Variants in PDE4B observed in about 807,000 individuals in gnomAD.
PDE4B encodes the protein 3',5'-cyclic-AMP phosphodiesterase 4B.
A neutral mutation model predicts 82.2 loss-of-function variants in PDE4B; 20 were observed. The ratio of observed to expected loss-of-function variants is 0.24; its 90% CI spans 0.17 to 0.35. PDE4B has a LOEUF of 0.35. Among genes scored for constraint, PDE4B ranks in the 10% least tolerant of loss-of-function variants. PDE4B has a pLI of 1.00. For missense variants in PDE4B, 655 were observed against 907.2 expected, an observed-to-expected ratio of 0.72 and a Z score of 3.57; for synonymous variants, 320 against 318.9, an observed-to-expected ratio of 1.00 and a Z score of -0.04.
At chr1:66,034,731 A>G (rs1371926905) in intron 3 of PDE4B, among the ~76,000 whole-genome samples, 2 of 152,200 alleles carry the variant, frequency 1.3e-5, no homozygotes, top group East Asian at 3.8e-4. Flanking sequence ...AGGAACTTAC[A>G]TTGCATGTGC....
intron 3 of PDE4B, among the ~76,000 whole-genome samples, chr1:66,207,729 G>A (rs1244101034): frequency 1.3e-5 from 2 of 152,136 alleles, no homozygotes; most frequent in Non-Finnish European, 2.9e-5. Context: ...TAATGATAGA[G>A]GATTCTATTT....
At chr1:66,225,258 C>G (rs189823512) in intron 3 of PDE4B, among the ~76,000 whole-genome samples, 1 of 152,184 alleles carries the variant, frequency 6.6e-6, no homozygotes, top group African/African-American at 2.4e-5. Context: ...TCTCACCCCC[C>G]GTTCTCACCT....
At chr1:66,340,128 A>T (rs1360266865) in intron 8 of PDE4B, among the ~76,000 whole-genome samples, 1 of 152,156 alleles carries the variant, frequency 6.6e-6, no homozygotes, top group Non-Finnish European at 1.5e-5. Flanking sequence ...TGCTTTCCTG[A>T]GCATCCTTTC....
At chr1:65,827,310 G>A (rs953375594) in intron 1 of PDE4B, among the ~76,000 whole-genome samples, 6 of 151,966 alleles carry the variant, frequency 3.9e-5, no homozygotes, top group East Asian at 3.9e-4. Context: ...ATCAGAGCCC[G>A]TCTCAGATAT....
intron 3 of PDE4B, among the ~76,000 whole-genome samples, chr1:65,999,630 A>G (rs1192085641): frequency 6.6e-6 from 1 of 152,088 alleles, no homozygotes; most frequent in Non-Finnish European, 1.5e-5. Flanking sequence ...TCTTTTTGGT[A>G]CTTATTATTA....
At chr1:66,277,142 C>T (rs939548326) in intron 7 of PDE4B, among the ~76,000 whole-genome samples, 4 of 150,674 alleles carry the variant, frequency 2.7e-5, no homozygotes, top group Admixed American at 6.6e-5. Context: ...TGGGGTAGAT[C>T]GAGGGGCGGT....
chr1:66,221,028 T>A (rs1650941661), intron 3 of PDE4B, among the ~76,000 whole-genome samples: 1 of 152,202 alleles, frequency 6.6e-6, no homozygotes, highest in Non-Finnish European at 1.5e-5. Context: ...ACATAAATTA[T>A]CTTTGATAAA....
intron 3 of PDE4B, among the ~76,000 whole-genome samples, chr1:65,997,398 A>G (rs1651608630): frequency 6.6e-6 from 1 of 152,178 alleles, no homozygotes; most frequent in Non-Finnish European, 1.5e-5. Flanking sequence ...ATATTTGAAT[A>G]CAAAAGTTTT....
chr1:65,938,985 T>C (rs1648301607), intron 3 of PDE4B, among the ~76,000 whole-genome samples: 2 of 152,138 alleles, frequency 1.3e-5, no homozygotes, highest in Admixed American at 1.3e-4. Flanking sequence ...TTGAGAACAA[T>C]ACTACTTTAG....
intron 7 of PDE4B, among the ~76,000 whole-genome samples, chr1:66,324,828 C>T (rs1659635638): frequency 6.6e-6 from 1 of 152,190 alleles, no homozygotes; most frequent in Admixed American, 6.5e-5. Flanking sequence ...TTCTCCTGTT[C>T]TTATGATTTG....
chr1:66,239,367 A>G (rs74994412), intron 3 of PDE4B, among the ~76,000 whole-genome samples: 19 of 152,022 alleles, frequency 1.2e-4, no homozygotes, highest in East Asian at 1.9e-4. Flanking sequence ...CACAAAATTA[A>G]TCTCTTTTAG....
At chr1:65,864,397 G>A (rs1397994065) in intron 1 of PDE4B, among the ~76,000 whole-genome samples, 1 of 151,982 alleles carries the variant, frequency 6.6e-6, no homozygotes, top group Non-Finnish European at 1.5e-5. Context: ...CCAGTTTTGT[G>A]CCCTTGCTGG....
At chr1:66,217,414 T>C (rs1335260324) in intron 3 of PDE4B, among the ~76,000 whole-genome samples, 1 of 152,026 alleles carries the variant, frequency 6.6e-6, no homozygotes, top group Admixed American at 6.6e-5. Flanking sequence ...TGGCATAAAA[T>C]GCAGCAGCCA....
chr1:66,301,964 AC>A (rs1657927893), intron 7 of PDE4B, among the ~76,000 whole-genome samples: 1 of 152,160 alleles, frequency 6.6e-6, no homozygotes, highest in Admixed American at 6.6e-5. Context: ...CAACTTATTG[AC>A]TTTGTTTAGG....
chr1:66,003,992 G>C (rs759113288), intron 3 of PDE4B, among the ~76,000 whole-genome samples: 4 of 152,252 alleles, frequency 2.6e-5, no homozygotes, highest in Middle Eastern at 3.4e-3. Flanking sequence ...GATGCCAGGT[G>C]ATATGATGCA....
At chr1:66,370,532 C>A (rs968782316) in intron 16 of PDE4B, among the ~76,000 whole-genome samples, 2 of 152,138 alleles carry the variant, frequency 1.3e-5, no homozygotes, top group African/African-American at 4.8e-5. Flanking sequence ...ACAGGTCTTC[C>A]TGTTGCCATG....
At chr1:66,163,347 TA>T in intron 3 of PDE4B, among the ~76,000 whole-genome samples, 1 of 152,304 alleles carries the variant, frequency 6.6e-6, no homozygotes, top group Non-Finnish European at 1.5e-5. Context: ...AAGATAAGGG[TA>T]CTTTTCTCAG....
chr1:66,209,059 T>C (rs1211048398), intron 3 of PDE4B, among the ~76,000 whole-genome samples: 2 of 152,224 alleles, frequency 1.3e-5, no homozygotes, highest in Non-Finnish European at 2.9e-5. Flanking sequence ...TGTCAGGATA[T>C]GAATACTTAG....
intron 3 of PDE4B, among the ~76,000 whole-genome samples, chr1:66,221,376 A>C (rs1374771533): frequency 6.6e-6 from 1 of 152,224 alleles, no homozygotes; most frequent in Non-Finnish European, 1.5e-5. Context: ...TTTATGTAAT[A>C]GGAAAGACAA....
Sources: gnomAD v4.1 joint callset for allele counts (sites outside exome capture counted in the v4.1 genomes callset) on GRCh38, gnomAD v4.1.1 for gene constraint, MANE v1.5 for transcripts, NCBI Gene and HGNC (gene_info 2026-07-23, HGNC 2026-07-21) for gene names.